The following PTCRA variants were observed in gnomAD, a reference collection of about 807,000 sequenced individuals.
The protein encoded by PTCRA is pre T-cell antigen receptor alpha.
Under a neutral mutation model 13.4 loss-of-function variants are expected in PTCRA, and 9 were observed. The ratio of observed to expected loss-of-function variants is 0.67; its 90% confidence interval spans 0.41 to 1.18. The LOEUF (loss-of-function observed/expected upper bound fraction) is 1.18. Among genes scored for constraint, PTCRA ranks in the 50% most tolerant of loss-of-function variants. PTCRA has a pLI of 0.01. For missense variants in PTCRA, 353 were observed against 359.8 expected, an observed-to-expected ratio of 0.98 and a Z score of 0.15; for synonymous variants, 153 against 161.9, an observed-to-expected ratio of 0.94 and a Z score of 0.42.
intron 1 of PTCRA, among the ~76,000 whole-genome samples, chr6:42,920,634 C>T (rs1358935164): frequency 6.6e-6 from 1 of 151,832 alleles, no homozygotes; most frequent in African/African-American, 2.4e-5. Context: ...ACCGTGTTAG[C>T]CAGGATGGTC....
chr6:42,922,308 T>C (rs1265960165), intron 1 of PTCRA: 2 of 697,402 alleles, frequency 2.9e-6, no homozygotes, highest in Non-Finnish European at 5.2e-6. Flanking sequence ...CCCATGGAAC[T>C]GAGTTCCTTG....
intron 1 of PTCRA, among the ~76,000 whole-genome samples, chr6:42,919,655 CT>C (rs1200478890): frequency 6.7e-6 from 1 of 148,152 alleles, no homozygotes; most frequent in African/African-American, 2.5e-5. Flanking sequence ...TGGTCAAAGC[CT>C]CAGTAAGCCA....
chr6:42,924,191 C>T lies in PTCRA; in HGVS notation c.380-38C>T, dbSNP rs373237088. ...GGGATGCCCTCCAGAGTGCATGGCC[C>T]ATCCCCAAAGACTCATTCGCTTCTC... is the stretch of plus-strand genomic sequence containing the variant. On this transcript the variant is annotated intron_variant, in intron 2 of 3. Transcript: ENST00000304672. 2.9e-5 allele frequency: 46 copies of T among 1,577,744 alleles called. No homozygotes were observed. In the African/African-American group the frequency reaches 5.7e-4, roughly 20 times the overall value.
intron 1 of PTCRA, among the ~76,000 whole-genome samples, chr6:42,916,989 A>T (rs111349782): frequency 7.2e-5 from 11 of 152,032 alleles, no homozygotes; most frequent in African/African-American, 2.4e-4. Flanking sequence ...AACTTGGGGA[A>T]TGTCTCTATC....
intron 1 of PTCRA, chr6:42,922,226 T>A (rs1365600273): frequency 2.8e-6 from 2 of 702,762 alleles, no homozygotes; most frequent in Non-Finnish European, 5.2e-6. Context: ...AGGTCCTGTT[T>A]CCTTCCCTTC....
intron 1 of PTCRA, among the ~76,000 whole-genome samples, chr6:42,919,011 G>A (rs955846729): frequency 2.0e-5 from 3 of 148,346 alleles, no homozygotes; most frequent in Non-Finnish European, 4.4e-5. Flanking sequence ...GGATGGTCTC[G>A]ATCTCCTGAC....
intron 2 of PTCRA, 107 bp from the exon 3 acceptor site, chr6:42,924,122 A>G: frequency 1.0e-6 from 1 of 954,352 alleles, no homozygotes. Flanking sequence ...TTTACCCCAA[A>G]TGCCTCGACA....
In PTCRA at chr6:42,923,198, G is replaced by A; in HGVS notation, c.230G>A (p.Gly77Asp). ...AGTGCACTGGATGCCTTCACCTATG[G>A]CCCTTCCCCAGCAACGGATGGCACC... ...NGSALDAFTY[G>D]PSPATDGTWT... Residue 77 changes from glycine (G) to aspartate (D), a missense_variant, in exon 2 of 4, where the codon GGC (glycine) becomes GAC (aspartate). Gly to Asp is a moderately conservative substitution (Grantham distance 94). Coordinates refer to ENST00000304672, the MANE Select transcript of PTCRA (RefSeq NM_138296.3). 6 of 1,614,220 alleles carry A rather than the reference G, an allele frequency of 3.7e-6. No individual in the cohort carries two copies. Among genetic ancestry groups the A allele is most frequent in the Non-Finnish European group, 5.1e-6 (6 of 1,180,042 alleles).
intron 1 of PTCRA, among the ~76,000 whole-genome samples, chr6:42,919,852 CA>C (rs1767063178): frequency 1.1e-5 from 1 of 90,286 alleles, no homozygotes; most frequent in Non-Finnish European, 2.2e-5. Flanking sequence ...GAGACCACCC[CA>C]GGCAACATAG....
At position 42,923,208 on chromosome 6, in the gene PTCRA, A is replaced by T; in HGVS notation, c.240A>T (p.Pro80=). 6.2e-7 allele frequency: 1 copy of T among 1,614,220 alleles called. No homozygotes were observed. The highest frequency in any genetic ancestry group is 1.1e-5 in the South Asian group (1 of 91,084). The stretch of plus-strand genomic sequence containing the variant: ...ATGCCTTCACCTATGGCCCTTCCCC[A>T]GCAACGGATGGCACCTGGACCAACT... The part of the protein sequence containing the change: ...ALDAFTYGPS[P]ATDGTWTNLA... Residue 80 remains proline (P), a synonymous_variant, in exon 2 of 4, where the codon CCA becomes CCT. Transcript: ENST00000304672.
rs761896723 is a variant in PTCRA at position 42,923,115 on chromosome 6, C to T, written c.147C>T (p.Val49=). ...AGCAGATGGTGGTGGTCTGCCTGGT[C>T]CTTGATGTTGCACCCCCTGGCCTTG... ...GKQQMVVVCL[V]LDVAPPGLDS... The change falls in exon 2 of 4, where the codon GTC becomes GTT. Residue 49 remains valine, a synonymous_variant. Transcript: ENST00000304672. 1 of 1,614,216 alleles carries T rather than the reference C, an allele frequency of 6.2e-7. No individual in the cohort carries two copies. Among genetic ancestry groups the T allele is most frequent in the Non-Finnish European group, 8.5e-7 (1 of 1,180,040 alleles).
intron 1 of PTCRA, among the ~76,000 whole-genome samples, chr6:42,921,555 T>C (rs1192356521): frequency 2.1e-5 from 3 of 146,330 alleles, no homozygotes; most frequent in Non-Finnish European, 4.5e-5. Context: ...GTAGCTGGGA[T>C]TACAGGCACA....
Position 42,921,057 on chromosome 6 carries a change from A to G in PTCRA, c.59-1970A>G, listed in dbSNP as rs1767134438. Among the ~76,000 whole-genome samples the G allele has an allele frequency of 3.3e-5, 5 of 150,174 alleles. No homozygotes were observed. The South Asian group carries it at 1.0e-3, about 31-fold the overall frequency. On this transcript the variant is annotated intron_variant, in intron 1 of 3. Coordinates refer to ENST00000304672, the MANE Select transcript of PTCRA (RefSeq NM_138296.3). Reference sequence around the variant, plus strand: ...GGTGATCTGCCTGCCTTGGCCCCCCAAAGTGCTGGGATTACAAGCATGAAC... The same window carrying G: ...GGTGATCTGCCTGCCTTGGCCCCCCGAAGTGCTGGGATTACAAGCATGAAC...
Position 42,925,188 on chromosome 6 carries a change from C to A in PTCRA, c.425-73C>A. 1 of 1,506,468 alleles carries A rather than the reference C, an allele frequency of 6.6e-7. No homozygotes were observed. Among genetic ancestry groups the A allele is most frequent in the African/African-American group, 1.4e-5 (1 of 72,808 alleles). The allele number at this position is 1,506,468 out of a possible 1,614,324, so 93.3% of individuals were successfully genotyped here. A position where few individuals can be genotyped will look rare whatever the true frequency, so the allele number is the denominator to read the frequency against. ...GGACGGGCAAGGGCAGAGGACAAGG[C>A]CCTCTCCGCCGTTCTCTCCTGGGGT... On this transcript the variant is annotated intron_variant, in intron 3 of 3. Coordinates refer to ENST00000304672, the MANE Select transcript of PTCRA (RefSeq NM_138296.3). The surrounding 1 kb of genome is among the most constrained non-coding windows in gnomAD (Gnocchi z 4.4).
intron 2 of PTCRA, 25 bp downstream of exon 2, chr6:42,923,372 C>T (rs371453144): frequency 7.5e-6 from 12 of 1,603,266 alleles, no homozygotes; most frequent in Middle Eastern, 1.8e-4. Flanking sequence ...TGGGCCCTTG[C>T]GGATGCTCCC....
At chr6:42,919,141 G>A (rs1175224769) in intron 1 of PTCRA, among the ~76,000 whole-genome samples, 1 of 151,170 alleles carries the variant, frequency 6.6e-6, no homozygotes, top group Non-Finnish European at 1.5e-5. Flanking sequence ...GATTACAGGC[G>A]CGTGCCACCA....
At chr6:42,921,245 G>A (rs920902892) in intron 1 of PTCRA, among the ~76,000 whole-genome samples, 4 of 149,714 alleles carry the variant, frequency 2.7e-5, no homozygotes, top group Non-Finnish European at 5.9e-5. Context: ...GGGACTACGG[G>A]TATGCACCAC....
intron 1 of PTCRA, chr6:42,922,304 G>T (rs1767211723): frequency 1.4e-6 from 1 of 698,418 alleles, no homozygotes; most frequent in Non-Finnish European, 2.6e-6. Flanking sequence ...CTTTCCCATG[G>T]AACTGAGTTC....
intron 1 of PTCRA, among the ~76,000 whole-genome samples, chr6:42,919,069 G>C (rs113882738): frequency 0.026 from 3,911 of 148,206 alleles, 189 homozygotes; most frequent in African/African-American, 0.093. Flanking sequence ...TTTTGAGACA[G>C]AGTCCCGCTC....
Sources: gnomAD v4.1 joint callset for allele counts (sites outside exome capture counted in the v4.1 genomes callset) on GRCh38, gnomAD v4.1.1 for gene constraint, Gnocchi (gnomAD v3.1) non-coding constraint, MANE v1.5 for transcripts, NCBI Gene and HGNC (gene_info 2026-07-23, HGNC 2026-07-21) for gene names.